The following SYT14 variants were observed in gnomAD, a reference collection of about 807,000 sequenced individuals.
The protein encoded by SYT14 is synaptotagmin-14.
Under a neutral mutation model 74.2 loss-of-function variants are expected in SYT14, and 32 were observed. The observed-to-expected ratio is 0.43, with a 90% confidence interval of 0.33 to 0.58. The LOEUF (loss-of-function observed/expected upper bound fraction) is 0.58, where lower values mean the gene tolerates loss of function less well. SYT14 is among the 20% of genes least tolerant of loss of function. The pLI, the probability that SYT14 is intolerant of heterozygous loss-of-function variation, is 0.05. For synonymous variants in SYT14, 298 were observed against 337.7 expected (o/e 0.88, Z 1.29); for missense variants, 791 against 981.8 (o/e 0.81, Z 2.60).
At chr1:209,966,632 G>T (rs2079162209) in intron 2 of SYT14, among the ~76,000 whole-genome samples, 1 of 151,770 alleles carries the variant, frequency 6.6e-6, no homozygotes, top group Non-Finnish European at 1.5e-5. Flanking sequence ...ATTTTTAGTG[G>T]TTCATTGATA....
chr1:210,099,573 C>A (rs1258374355), intron 6 of SYT14, among the ~76,000 whole-genome samples: 1 of 152,036 alleles, frequency 6.6e-6, no homozygotes, highest in Non-Finnish European at 1.5e-5. Flanking sequence ...GAAAACGGAA[C>A]CAAATTTTTC....
intron 5 of SYT14, among the ~76,000 whole-genome samples, chr1:210,024,917 T>C (rs1371572320): frequency 2.0e-5 from 3 of 150,894 alleles, no homozygotes. Flanking sequence ...ATAAACCCCT[T>C]TGTCCAGTAG....
intron 2 of SYT14, among the ~76,000 whole-genome samples, chr1:209,973,118 G>T (rs934824802): frequency 4.0e-5 from 6 of 149,580 alleles, no homozygotes; most frequent in Non-Finnish European, 7.4e-5. Flanking sequence ...CTTTTTTATT[G>T]TTGTTGGTTT....
At chr1:210,043,831 G>A (rs1310746016) in intron 5 of SYT14, among the ~76,000 whole-genome samples, 1 of 152,130 alleles carries the variant, frequency 6.6e-6, no homozygotes, top group African/African-American at 2.4e-5. Flanking sequence ...TATTATCACA[G>A]TATATATGGT....
intron 5 of SYT14, among the ~76,000 whole-genome samples, chr1:210,040,058 A>G (rs2080753908): frequency 6.6e-6 from 1 of 152,168 alleles, no homozygotes; most frequent in African/African-American, 2.4e-5. Context: ...TACTATAAAG[A>G]CACATGCACA....
At chr1:209,953,902 G>A (rs989257644) in intron 2 of SYT14, among the ~76,000 whole-genome samples, 1 of 152,150 alleles carries the variant, frequency 6.6e-6, no homozygotes, top group African/African-American at 2.4e-5. Flanking sequence ...TATAACTATT[G>A]TTGATTTGTG....
At chr1:210,161,391 G>C (rs1328155564) in exon 10 of SYT14, 1 of 457,306 alleles carries the variant, frequency 2.2e-6, no homozygotes, top group African/African-American at 2.0e-5. Context: ...TTAAAAACCA[G>C]AATTTTAGTT....
intron 2 of SYT14, among the ~76,000 whole-genome samples, chr1:210,009,983 T>TCCTCAACTCTTCTTCTTTCTTAC (rs1558126131): frequency 1.3e-5 from 2 of 151,816 alleles, no homozygotes; most frequent in Admixed American, 6.6e-5. Context: ...TTCTTTCTTA[T>TCCTCAACTCTTCTTCTTTCTTAC]CCTCTAAATT....
exon 8 of SYT14, chr1:210,155,784 T>C (rs974025501): frequency 2.5e-6 from 4 of 1,614,112 alleles, no homozygotes; most frequent in Non-Finnish European, 3.4e-6. Context: ...CTCATGTCAG[T>C]CTCTTGAACA....
intron 7 of SYT14, among the ~76,000 whole-genome samples, chr1:210,116,471 C>G (rs1351163591): frequency 6.6e-6 from 1 of 152,184 alleles, no homozygotes. Context: ...CTCAGCCTCC[C>G]AAGTTGCCAG....
At chr1:210,085,049 C>T (rs555597527) in intron 5 of SYT14, among the ~76,000 whole-genome samples, 1 of 152,250 alleles carries the variant, frequency 6.6e-6, no homozygotes, top group East Asian at 1.9e-4. Flanking sequence ...GTTTGGATTC[C>T]ACCAATTGCT....
intron 2 of SYT14, chr1:209,965,749 T>A (rs948198026): frequency 2.7e-6 from 1 of 366,184 alleles, no homozygotes; most frequent in African/African-American, 2.1e-5. Flanking sequence ...CATATCAAAG[T>A]TCACCTGATA....
At chr1:210,041,883 A>G (rs1217971991) in intron 5 of SYT14, among the ~76,000 whole-genome samples, 1 of 152,054 alleles carries the variant, frequency 6.6e-6, no homozygotes, top group Non-Finnish European at 1.5e-5. Context: ...CCCTAGGTAG[A>G]TAGAGTCTTG....
At chr1:210,049,357 G>C (rs1398659613) in intron 5 of SYT14, among the ~76,000 whole-genome samples, 1 of 150,536 alleles carries the variant, frequency 6.6e-6, no homozygotes, top group Non-Finnish European at 1.5e-5. Context: ...TACATCTTCT[G>C]AAATCTAGGC....
intron 7 of SYT14, among the ~76,000 whole-genome samples, chr1:210,148,702 GAGTCCCCTTAAAAGAAAGAA>G: frequency 6.6e-6 from 1 of 152,210 alleles, no homozygotes; most frequent in Non-Finnish European, 1.5e-5. Flanking sequence ...CCAGTAGCCA[GAGTCCCCTTAAAAGAAAGAA>G]AGAGGAAAAA....
At chr1:209,943,432 G>A (rs948081979) in intron 1 of SYT14, among the ~76,000 whole-genome samples, 2 of 148,304 alleles carry the variant, frequency 1.3e-5, no homozygotes, top group African/African-American at 5.0e-5. Flanking sequence ...CTAAACCCGG[G>A]AACCCGGGAG....
chr1:210,068,102 A>C lies in SYT14; in HGVS notation c.1313-26220A>C, dbSNP rs149189550. On this transcript the variant is annotated intron_variant, in intron 5 of 9. Coordinates refer to ENST00000637265, the Ensembl canonical transcript of SYT14. The stretch of plus-strand genomic sequence containing the variant: ...TTGGAAGATACCTCTTATTGAATTA[A>C]GGAAATTCCCTTTTGTTCCTAGTTT... 1.8e-3 allele frequency among the ~76,000 whole-genome samples: 281 copies of C among 152,038 alleles called. 1 individual carries two copies. Among genetic ancestry groups the C allele is most frequent in the African/African-American group, 6.4e-3 (267 of 41,554 alleles).
intron 5 of SYT14, among the ~76,000 whole-genome samples, chr1:210,044,136 A>G (rs1047139083): frequency 1.9e-4 from 29 of 152,152 alleles, no homozygotes; most frequent in African/African-American, 6.5e-4. Context: ...CCAATGTCGT[A>G]AATAGAAGGT....
chr1:209,969,421 A>C (rs1330185832), intron 2 of SYT14, among the ~76,000 whole-genome samples: 1 of 148,762 alleles, frequency 6.7e-6, no homozygotes, highest in Non-Finnish European at 1.5e-5. Context: ...ATTTGTTTTT[A>C]CTTTTTAATA....
Sources: gnomAD v4.1 joint callset for allele counts (sites outside exome capture counted in the v4.1 genomes callset) on GRCh38, gnomAD v4.1.1 for gene constraint, MANE v1.5 for transcripts, NCBI Gene and HGNC (gene_info 2026-07-23, HGNC 2026-07-21) for gene names.